KYNU: variants seen among roughly 807,000 people sequenced by gnomAD.
The protein encoded by KYNU is L-kynurenine hydrolase.
Under a neutral mutation model 59.2 loss-of-function variants are expected in KYNU, and 54 were observed. The observed-to-expected ratio is 0.91, with a 90% CI of 0.73 to 1.14. The LOEUF (loss-of-function observed/expected upper bound fraction) is 1.14, where lower values mean the gene tolerates loss of function less well. Ranked by LOEUF, KYNU falls within the 50% of genes most tolerant of loss-of-function variation. The pLI is 0.00. For missense variants in KYNU, 567 were observed against 554.4 expected, an observed-to-expected ratio of 1.02 and a Z score of -0.23; for synonymous variants, 177 against 192.0, an observed-to-expected ratio of 0.92 and a Z score of 0.65.
At chr2:142,924,539 T>G (rs1443106191) in intron 3 of KYNU, among the ~76,000 whole-genome samples, 1 of 152,222 alleles carries the variant, frequency 6.6e-6, no homozygotes, top group African/African-American at 2.4e-5. Flanking sequence ...ATTTTTCACT[T>G]TGTGGGATGG....
At chr2:142,907,889 C>A (rs1682353774) in intron 2 of KYNU, among the ~76,000 whole-genome samples, 1 of 152,150 alleles carries the variant, frequency 6.6e-6, no homozygotes, top group African/African-American at 2.4e-5. Context: ...TCCAGCTAGT[C>A]CTGTCTCTCA....
intron 4 of KYNU, among the ~76,000 whole-genome samples, chr2:142,937,908 T>C (rs1488049766): frequency 6.6e-6 from 1 of 152,272 alleles, no homozygotes; most frequent in Non-Finnish European, 1.5e-5. Flanking sequence ...GGTCATCTTC[T>C]CAATTTTGAG....
At chr2:142,931,375 G>A (rs1330229666) in intron 4 of KYNU, among the ~76,000 whole-genome samples, 3 of 152,124 alleles carry the variant, frequency 2.0e-5, no homozygotes, top group Admixed American at 6.5e-5. Flanking sequence ...CTTGAGAGAC[G>A]GGTTGGTATC....
intron 8 of KYNU, among the ~76,000 whole-genome samples, chr2:142,970,160 A>G (rs1207607783): frequency 6.6e-6 from 1 of 152,232 alleles, no homozygotes; most frequent in African/African-American, 2.4e-5. Flanking sequence ...TTCATCAGTT[A>G]AATTATTTAT....
rs115135934 is a variant in KYNU at position 143,039,930 on chromosome 2, T to G, written c.1042-498T>G. 2.6e-3 allele frequency among the ~76,000 whole-genome samples: 402 copies of G among 152,260 alleles called. 3 individuals carry two copies. Among genetic ancestry groups the G allele is most frequent in the African/African-American group, 9.3e-3 (385 of 41,564 alleles). On this transcript the variant is annotated intron_variant, in intron 12 of 13. Transcript: ENST00000264170. ...CTGGAGAGTTTCTTCACAACCACAGTAAAACTTGTTTAATCCTGAATGGGT... is the reference window on the plus strand; with the variant it reads ...CTGGAGAGTTTCTTCACAACCACAGGAAAACTTGTTTAATCCTGAATGGGT...
chr2:142,884,821 C>G (rs1681441991), intron 1 of KYNU, among the ~76,000 whole-genome samples: 1 of 149,864 alleles, frequency 6.7e-6, no homozygotes, highest in African/African-American at 2.4e-5. Context: ...ATTCTCCTGC[C>G]TCAGCCTCCC....
chr2:142,974,413 G>A (rs564012952), intron 8 of KYNU, among the ~76,000 whole-genome samples: 1 of 152,292 alleles, frequency 6.6e-6, no homozygotes, highest in African/African-American at 2.4e-5. Context: ...GTAGCTATCT[G>A]CTTAAGAAAA....
intron 8 of KYNU, among the ~76,000 whole-genome samples, chr2:142,972,758 A>G (rs545821995): frequency 1.3e-5 from 2 of 150,960 alleles, no homozygotes; most frequent in African/African-American, 2.4e-5. Context: ...TTTGCCATTT[A>G]TAGTCAATTA....
chr2:142,896,091 G>A (rs1326900327), intron 2 of KYNU, among the ~76,000 whole-genome samples: 1 of 152,106 alleles, frequency 6.6e-6, no homozygotes, highest in Non-Finnish European at 1.5e-5. Flanking sequence ...ACAAAAACAG[G>A]TCATGGGCTT....
At chr2:142,881,143 AGGAAAT>A (rs1046103805) in intron 1 of KYNU, among the ~76,000 whole-genome samples, 7 of 152,226 alleles carry the variant, frequency 4.6e-5, no homozygotes, top group Non-Finnish European at 8.8e-5. Context: ...TTTTAGGCAA[AGGAAAT>A]GGCATGAGAA....
intron 8 of KYNU, 30 bp from the exon 9 acceptor site, chr2:142,985,054 C>A: frequency 7.9e-7 from 1 of 1,267,616 alleles, no homozygotes; most frequent in Non-Finnish European, 1.2e-6. Flanking sequence ...ATGAAGCAAA[C>A]TTAAAGCTTA....
At chr2:143,008,042 A>G (rs1261833927) in intron 10 of KYNU, among the ~76,000 whole-genome samples, 1 of 126,154 alleles carries the variant, frequency 7.9e-6, no homozygotes, top group East Asian at 2.9e-4. Context: ...GACAGGATCA[A>G]ATTCACACAT....
chr2:142,920,163 C>T (rs541570220), intron 3 of KYNU, among the ~76,000 whole-genome samples: 13 of 152,088 alleles, frequency 8.5e-5, no homozygotes, highest in Admixed American at 1.3e-4. Flanking sequence ...TGATTAAGAA[C>T]GTAATTTCAC....
At chr2:142,955,327 A>G (rs1447934737) in intron 5 of KYNU, among the ~76,000 whole-genome samples, 1 of 152,076 alleles carries the variant, frequency 6.6e-6, no homozygotes, top group East Asian at 1.9e-4. Context: ...AAATGAGTTA[A>G]TGTGTTTAAA....
chr2:142,902,831 T>A (rs370795492), intron 2 of KYNU, among the ~76,000 whole-genome samples: 1 of 152,204 alleles, frequency 6.6e-6, no homozygotes, highest in East Asian at 1.9e-4. Flanking sequence ...GCCAAATAGA[T>A]GTGGGCTATC....
At chr2:142,974,340 C>T (rs1197264520) in intron 8 of KYNU, among the ~76,000 whole-genome samples, 1 of 152,162 alleles carries the variant, frequency 6.6e-6, no homozygotes, top group East Asian at 1.9e-4. Flanking sequence ...TCCTCTCATG[C>T]TCAGTAAATC....
chr2:142,991,488 G>T (rs1213472829), intron 10 of KYNU, among the ~76,000 whole-genome samples: 1 of 151,748 alleles, frequency 6.6e-6, no homozygotes, highest in African/African-American at 2.4e-5. Flanking sequence ...GGCCTTCTGA[G>T]TCACCTGTTC....
chr2:143,005,713 T>C (rs1685857444), intron 10 of KYNU, among the ~76,000 whole-genome samples: 1 of 151,764 alleles, frequency 6.6e-6, no homozygotes, highest in Non-Finnish European at 1.5e-5. Context: ...ACTATTTAGG[T>C]TGGTGCAAAA....
At chr2:143,025,629 A>T (rs1250387550) in intron 10 of KYNU, among the ~76,000 whole-genome samples, 1 of 150,662 alleles carries the variant, frequency 6.6e-6, no homozygotes, top group African/African-American at 2.4e-5. Flanking sequence ...ACTTTAGATA[A>T]TTTTTTTTTT....
Sources: gnomAD v4.1 joint callset for allele counts (sites outside exome capture counted in the v4.1 genomes callset) on GRCh38, gnomAD v4.1.1 for gene constraint, MANE v1.5 for transcripts, NCBI Gene and HGNC (gene_info 2026-07-23, HGNC 2026-07-21) for gene names.